Variants in LAMA3 observed in about 807,000 individuals in gnomAD.
LAMA3 encodes laminin subunit alpha-3.
LAMA3 carries 281 observed loss-of-function variants against 402.0 expected under a neutral mutation model. The ratio of observed to expected loss-of-function variants is 0.70; its 90% CI spans 0.63 to 0.77. The LOEUF (loss-of-function observed/expected upper bound fraction) is 0.77. LAMA3 is among the 30% of genes least tolerant of loss of function. LAMA3 has a pLI of 0.00. For synonymous variants in LAMA3, 1,431 were observed against 1,558.4 expected (o/e 0.92, Z 1.93); for missense variants, 3,840 against 4,215.5 (o/e 0.91, Z 2.47).
At chr18:23,864,405 T>G (rs2064301363) in intron 35 of LAMA3, among the ~76,000 whole-genome samples, 1 of 152,088 alleles carries the variant, frequency 6.6e-6, no homozygotes, top group South Asian at 2.1e-4. Flanking sequence ...TTTTAAATAT[T>G]TTTGTAGAGA....
intron 70 of LAMA3, among the ~76,000 whole-genome samples, chr18:23,947,812 CTTT>C (rs35106056): frequency 1.4e-4 from 15 of 110,472 alleles, no homozygotes; most frequent in Admixed American, 1.8e-4. Flanking sequence ...TTCCTATTTT[CTTT>C]TTTTTTTTTT....
Position 23,932,151 on chromosome 18 carries a change from C to T in LAMA3, c.8577-9C>T, listed in dbSNP as rs757192163. The T allele has an allele frequency of 1.5e-5, 25 of 1,613,808 alleles. 2 individuals carry two copies. The South Asian group carries it at 2.4e-4, about 16-fold the overall frequency. ...TTCTCACCCATGATTTGCTTTTCTT[C>T]CCTTTCAGACTACGGCTTCTCATCG... On this transcript the variant is annotated splice_polypyrimidine_tract_variant and intron_variant, in intron 65 of 74. Transcript: ENST00000313654.
At chr18:23,905,909 C>T (rs1425972327) in intron 52 of LAMA3, among the ~76,000 whole-genome samples, 3 of 152,028 alleles carry the variant, frequency 2.0e-5, no homozygotes, top group South Asian at 2.1e-4. Flanking sequence ...AGATTACAGG[C>T]GTGCACCACC....
intron 42 of LAMA3, among the ~76,000 whole-genome samples, chr18:23,893,806 A>G (rs2145050145): frequency 6.6e-6 from 1 of 152,300 alleles, no homozygotes; most frequent in South Asian, 2.1e-4. Flanking sequence ...GCTCTGTTAC[A>G]CTGTAAATGC....
chr18:23,857,726 A>T lies in LAMA3; in HGVS notation c.4137-118A>T. The T allele has an allele frequency of 2.4e-6, 3 of 1,253,550 alleles. No homozygotes were observed. The Admixed American group carries it at 5.1e-5, about 21-fold the overall frequency. The allele number at this position is 1,253,550 out of a possible 1,614,324, so 77.7% of individuals were successfully genotyped here. On this transcript the variant is annotated intron_variant, in intron 32 of 74. Transcript: ENST00000313654. ...CTCCATTCTGCCTTGGACTATAAGC[A>T]GGCATTGTATCTATTTAACTGGCTT...
At chr18:23,895,796 C>CT (rs1055826681) in intron 44 of LAMA3, among the ~76,000 whole-genome samples, 22 of 151,056 alleles carry the variant, frequency 1.5e-4, no homozygotes, top group South Asian at 8.4e-4. Flanking sequence ...TGTTCTTATC[C>CT]TTTTTTTTTC....
intron 12 of LAMA3, among the ~76,000 whole-genome samples, chr18:23,794,931 A>G (rs751911752): frequency 1.8e-4 from 27 of 152,242 alleles, no homozygotes; most frequent in Admixed American, 1.4e-3. Flanking sequence ...ACAAAAAACC[A>G]TATCTTTAAA....
rs768879316 is a variant in LAMA3 at position 23,833,848 on chromosome 18, G to GCGCATC, written c.2846_2851dup (p.Arg949_Ile950dup). The GCGCATC allele has an allele frequency of 2.2e-5, 35 of 1,613,444 alleles. No homozygotes were observed. The highest frequency in any genetic ancestry group is 3.0e-5 in the Non-Finnish European group (35 of 1,180,034). On this transcript the variant is annotated inframe_insertion, in exon 24 of 75. Transcript: ENST00000313654. ...GACAGGTGGAATTGCATCTGCGGCT[G>GCGCATC]CGCATCCCACAGGTTGGCCACTACG...
At chr18:23,897,393 A>C (rs1310491336) in intron 44 of LAMA3, among the ~76,000 whole-genome samples, 1 of 152,216 alleles carries the variant, frequency 6.6e-6, no homozygotes, top group Non-Finnish European at 1.5e-5. Flanking sequence ...AGGAGGGAAA[A>C]GCATTTATGT....
intron 8 of LAMA3, among the ~76,000 whole-genome samples, chr18:23,769,440 T>G (rs1351243723): frequency 1.3e-5 from 2 of 152,158 alleles, no homozygotes; most frequent in East Asian, 3.8e-4. Context: ...GTAAATATAA[T>G]ACATATGCAA....
At chr18:23,837,570 G>GATATATATATATATATATAGATAT (rs2063610098) in intron 25 of LAMA3, among the ~76,000 whole-genome samples, 1 of 83,284 alleles carries the variant, frequency 1.2e-5, no homozygotes. Flanking sequence ...CAGTTAATCA[G>GATATATATATATATATATAGATAT]ATATATATAT....
At chr18:23,810,543 CTG>C (rs775827741) in intron 13 of LAMA3, 40 bp downstream of exon 13, 1 of 1,612,142 alleles carries the variant, frequency 6.2e-7, no homozygotes. Context: ...TGGTTCCTCT[CTG>C]AAGTGTGTGC....
In LAMA3 at chr18:23,833,891, T is replaced by C; in HGVS notation, c.2887T>C (p.Ser963Pro). Residue 963 changes from serine to proline, a missense_variant, in exon 24 of 75, where the codon TCC becomes CCC. Coordinates refer to ENST00000313654, the MANE Select transcript of LAMA3 (RefSeq NM_198129.4). Reference protein sequence around the residue: ...VGHYVVVVEYSTEAAQLFVVD... With the variant: ...VGHYVVVVEYPTEAAQLFVVD... The stretch of plus-strand genomic sequence containing the variant: ...CCACTACGTGGTTGTGGTCGAGTAT[T>C]CCACGGAGGCAGCTCAGCTGTTTGT... 6.2e-7 allele frequency: 1 copy of C among 1,614,144 alleles called. No individual in the cohort carries two copies. The highest frequency in any genetic ancestry group is 8.5e-7 in the Non-Finnish European group (1 of 1,180,036).
intron 18 of LAMA3, among the ~76,000 whole-genome samples, chr18:23,817,705 A>T (rs2063203783): frequency 6.6e-6 from 1 of 152,124 alleles, no homozygotes; most frequent in African/African-American, 2.4e-5. Flanking sequence ...ACAGAGCAAG[A>T]CCTTGTCTTT....
chr18:23,814,289 T>C, intron 14 of LAMA3, 114 bp from the exon 15 acceptor site: 1 of 789,872 alleles, frequency 1.3e-6, no homozygotes, highest in Non-Finnish European at 2.3e-6. Context: ...TGGATACACT[T>C]AATTACTTTT....
In LAMA3 at chr18:23,822,303, C is replaced by T. The variant is rs545342009; in HGVS notation, c.2356C>T (p.Arg786Cys). 6.8e-6 allele frequency: 11 copies of T among 1,613,352 alleles called. No homozygotes were observed. The highest frequency in any genetic ancestry group is 2.2e-5 in the East Asian group (1 of 44,876). Residue 786 changes from arginine to cysteine, a missense_variant, in exon 20 of 75, where the codon CGT becomes TGT. Physicochemically the swap from Arg to Cys is radical, Grantham distance 180 (BLOSUM62 -3). Transcript: ENST00000313654. The stretch of plus-strand genomic sequence containing the variant: ...AGGGAAGTCAAGTGGCTCCTTGTTT[C>T]GTGTTATTCTGAGATACGTTAACCC... ...NVGKSSGSLF[R>C]VILRYVNPGT...
At chr18:23,765,517 T>A (rs1267479713) in intron 8 of LAMA3, among the ~76,000 whole-genome samples, 3 of 152,308 alleles carry the variant, frequency 2.0e-5, no homozygotes, top group African/African-American at 7.2e-5. Flanking sequence ...GGATTTGGAA[T>A]CCTTACAACA....
In LAMA3 at chr18:23,695,796, CAAAAAAAAAAAAAAAAAAAAAAAAAAAAA is replaced by C. The variant is rs58873998; in HGVS notation, c.294+5831_294+5859del. Reference sequence around the variant, plus strand: ...TGGGTGACACAGCAAGACTCCATCTCAAAAAAAAAAAAAAAAAAAAAAAAAAAAAAAAAAAAAAAAGAAATATGTGCACT... The same window carrying C: ...TGGGTGACACAGCAAGACTCCATCTCAAAAAAAAAAAGAAATATGTGCACT... On this transcript the variant is annotated intron_variant, in intron 1 of 74. Coordinates refer to ENST00000313654, the MANE Select transcript of LAMA3 (RefSeq NM_198129.4). Among the ~76,000 whole-genome samples the C allele has an allele frequency of 8.9e-3, 346 of 38,662 alleles. 7 individuals carry two copies. Among genetic ancestry groups the C allele is most frequent in the African/African-American group, 0.038 (336 of 8,808 alleles). The allele number at this position is 38,662 out of a possible 152,430, so 25.4% of individuals were successfully genotyped here.
At chr18:23,838,365 T>TG (rs2063628445) in intron 25 of LAMA3, among the ~76,000 whole-genome samples, 1 of 152,208 alleles carries the variant, frequency 6.6e-6, no homozygotes, top group African/African-American at 2.4e-5. Flanking sequence ...TTTCTAGCAG[T>TG]GGCAGCCCTC....
Sources: allele counts gnomAD v4.1 joint callset (sites outside exome capture counted in the v4.1 genomes callset), GRCh38; gene constraint gnomAD v4.1.1; transcripts MANE v1.5; gene names NCBI Gene and HGNC (gene_info 2026-07-23, HGNC 2026-07-21).